Variants in GPATCH8 observed in about 807,000 individuals in gnomAD.
GPATCH8 encodes G-patch domain containing 8.
In GPATCH8, 18 loss-of-function variants were observed where a neutral mutation model predicts 118.3. That is an observed-to-expected ratio of 0.15 (90% CI 0.11 to 0.23). The LOEUF is 0.23. GPATCH8 is among the 10% of genes least tolerant of loss of function. The pLI, the probability that GPATCH8 is intolerant of heterozygous loss-of-function variation, is 1.00. For synonymous variants in GPATCH8, 659 were observed against 684.7 expected, an observed-to-expected ratio of 0.96 and a Z score of 0.59; for missense variants, 1,631 against 1,873.8, an observed-to-expected ratio of 0.87 and a Z score of 2.39.
At chr17:44,441,596 C>T (rs2050691195) in intron 3 of GPATCH8, among the ~76,000 whole-genome samples, 1 of 150,898 alleles carries the variant, frequency 6.6e-6, no homozygotes, top group African/African-American at 2.4e-5. Flanking sequence ...TGGTGGCGGG[C>T]ACCTGTAATC....
At chr17:44,478,666 C>CA (rs1229666873) in intron 1 of GPATCH8, among the ~76,000 whole-genome samples, 41 of 148,794 alleles carry the variant, frequency 2.8e-4, no homozygotes, top group East Asian at 9.8e-4. Context: ...GTCTCAAAAA[C>CA]AAAAAAAAAC....
In GPATCH8 at chr17:44,410,269, T is replaced by A. The variant is rs192214358; in HGVS notation, c.493-4218A>T. On this transcript the variant is annotated intron_variant, in intron 6 of 7. Coordinates refer to ENST00000591680, the MANE Select transcript of GPATCH8 (RefSeq NM_001002909.4). ...TTGTACCTGCACTTTTCTCTTAAAT[T>A]CTAAAGAGGAACACAACTATAGATA... Among the ~76,000 whole-genome samples the A allele has an allele frequency of 7.4e-4, 112 of 152,302 alleles. 2 individuals are homozygous for A. The East Asian group carries it at 0.014, about 19-fold the overall frequency.
chr17:44,435,878 C>G (rs951073276), intron 4 of GPATCH8, among the ~76,000 whole-genome samples: 1 of 149,686 alleles, frequency 6.7e-6, no homozygotes, highest in Non-Finnish European at 1.5e-5. Flanking sequence ...AAAAATTACC[C>G]GGGCATGGTG....
intron 3 of GPATCH8, among the ~76,000 whole-genome samples, chr17:44,441,173 C>A (rs2050676634): frequency 6.6e-6 from 1 of 152,052 alleles, no homozygotes; most frequent in Non-Finnish European, 1.5e-5. Flanking sequence ...TTTAAAGAGA[C>A]AAACTCTAGG....
rs1311172998 is a variant in GPATCH8, at chr17:44,405,991, C to T, written c.553G>A (p.Asp185Asn). ...AGGGCTTTTTCCTGTTTTTTCTCAT[C>T]CTTGCGGGATCTTGAAGAGACATTT... ...ARNVSSRSRK[D>N]EKKQEKALRR... The change falls in exon 7 of 8, where the codon GAT (aspartate) becomes AAT (asparagine). Residue 185 changes from aspartate to asparagine, a missense_variant. Asp to Asn is a conservative substitution (Grantham distance 23). Around this residue, in one of 8 missense-constraint regions of GPATCH8, gnomAD observed 81 missense variants for 227.6 expected, o/e 0.36. Coordinates refer to ENST00000591680, the MANE Select transcript of GPATCH8 (RefSeq NM_001002909.4). 6.2e-7 allele frequency: 1 copy of T among 1,609,160 alleles called. No homozygotes were observed. Among genetic ancestry groups the T allele is most frequent in the Non-Finnish European group, 8.5e-7 (1 of 1,175,486 alleles).
Position 44,462,985 on chromosome 17 carries a change from T to TATAAATAAATAA in GPATCH8, c.193+1475_193+1486dup, listed in dbSNP as rs57126645. Among the ~76,000 whole-genome samples, 786 of 149,632 alleles carry TATAAATAAATAA rather than the reference T, an allele frequency of 5.3e-3. 2 individuals are homozygous for TATAAATAAATAA. Among genetic ancestry groups the TATAAATAAATAA allele is most frequent in the Middle Eastern group, 0.017 (5 of 288 alleles). On this transcript the variant is annotated intron_variant, in intron 3 of 7. Coordinates refer to ENST00000591680, the MANE Select transcript of GPATCH8 (RefSeq NM_001002909.4). ...GACAGAGCGAGACTCCACTTCAAAA[T>TATAAATAAATAA]ATAAATAAATAAATAAATAAATAAA...
At chr17:44,494,947 G>C (rs1969549477) in intron 1 of GPATCH8, among the ~76,000 whole-genome samples, 1 of 151,956 alleles carries the variant, frequency 6.6e-6, no homozygotes, top group African/African-American at 2.4e-5. Flanking sequence ...CTTTACTTTT[G>C]TCCTGGCTAT....
chr17:44,398,760 G>C lies in GPATCH8; in HGVS notation c.3317C>G (p.Pro1106Arg), dbSNP rs753259184. The C allele has an allele frequency of 6.2e-7, 1 of 1,613,686 alleles. No individual in the cohort carries two copies. ...KIQSRKVERKPSVSEEVQATP... is the reference protein window; with the variant it reads ...KIQSRKVERKRSVSEEVQATP... Reference sequence around the variant, plus strand: ...GGCCTGCACCTCCTCACTCACACTAGGTTTCCTCTCCACTTTCCTTGACTG... The same window carrying C: ...GGCCTGCACCTCCTCACTCACACTACGTTTCCTCTCCACTTTCCTTGACTG... The change falls in exon 8 of 8, where the codon CCT (proline) becomes CGT (arginine). Residue 1106 changes from proline to arginine, a missense_variant. Pro to Arg is a moderately radical substitution (Grantham distance 103). Around this residue, in one of 8 missense-constraint regions of GPATCH8, gnomAD observed 922 missense variants for 879.7 expected, o/e 1.05. Coordinates refer to ENST00000591680, the MANE Select transcript of GPATCH8 (RefSeq NM_001002909.4).
chr17:44,427,405 C>A (rs1288847708), intron 5 of GPATCH8, among the ~76,000 whole-genome samples: 1 of 151,876 alleles, frequency 6.6e-6, no homozygotes, highest in Non-Finnish European at 1.5e-5. Context: ...GTACAAAATT[C>A]AGAAATAATA....
At chr17:44,465,711 C>G (rs1011412714) in intron 2 of GPATCH8, 2 of 152,136 alleles carry the variant, frequency 1.3e-5, no homozygotes, top group African/African-American at 4.8e-5. Context: ...ATTTGAAAAT[C>G]CCATATTTCC....
At chr17:44,404,425 G>A (rs2049143464) in intron 7 of GPATCH8, among the ~76,000 whole-genome samples, 1 of 152,206 alleles carries the variant, frequency 6.6e-6, no homozygotes, top group South Asian at 2.1e-4. Context: ...TTACAGGTGC[G>A]AGTCACTATG....
rs374889455 is a variant in GPATCH8, at chr17:44,399,541, C to T, written c.2536G>A (p.Gly846Ser). 3 of 1,614,084 alleles carry T rather than the reference C, an allele frequency of 1.9e-6. No individual in the cohort carries two copies. The African/African-American group carries it at 4.0e-5, about 22-fold the overall frequency. The change falls in exon 8 of 8, where the codon GGC becomes AGC. Residue 846 changes from glycine (G) to serine (S), a missense_variant. By Grantham distance (56) the Gly-to-Ser change is moderately conservative. Coordinates refer to ENST00000591680, the MANE Select transcript of GPATCH8 (RefSeq NM_001002909.4). ...YSEEEEEEDS[G>S]SEHSRSRSRS... ...GAGCGGCTGCGGGAATGCTCACTGC[C>T]TGAATCTTCCTCTTCTTCTTCCTCA...
intron 2 of GPATCH8, chr17:44,465,802 C>T (rs1343063730): frequency 6.6e-6 from 1 of 152,132 alleles, no homozygotes; most frequent in African/African-American, 2.4e-5. Flanking sequence ...TCTGGCATCT[C>T]CATATTCAAT....
intron 3 of GPATCH8, among the ~76,000 whole-genome samples, chr17:44,454,404 C>T (rs536699314): frequency 2.0e-5 from 3 of 152,310 alleles, no homozygotes; most frequent in South Asian, 4.1e-4. Context: ...ACTACAGGCA[C>T]ATGCCACTGG....
rs138384022 is a variant in GPATCH8, at chr17:44,467,449, G to C, written c.121-2905C>G. Among the ~76,000 whole-genome samples, 268 of 152,212 alleles carry C rather than the reference G, an allele frequency of 1.8e-3. 2 individuals are homozygous for C. The highest frequency in any genetic ancestry group is 6.1e-3 in the African/African-American group (255 of 41,530). On this transcript the variant is annotated intron_variant, in intron 2 of 7. Coordinates refer to ENST00000591680, the MANE Select transcript of GPATCH8 (RefSeq NM_001002909.4). ...AAAATCATTGATAGAAAATGGTAGT[G>C]GCATTTCTCTTCTAAAACTTTAGGT...
intron 3 of GPATCH8, among the ~76,000 whole-genome samples, chr17:44,448,543 A>AGAAGAGGAAGAGGAAGAAGAAGAG (rs2050984198): frequency 3.0e-5 from 1 of 33,728 alleles, no homozygotes; most frequent in Non-Finnish European, 9.9e-5. Flanking sequence ...AGAAGGAAGA[A>AGAAGAGGAAGAGGAAGAAGAAGAG]GAAGAGGAAG....
intron 5 of GPATCH8, among the ~76,000 whole-genome samples, chr17:44,425,362 T>G (rs974522289): frequency 1.3e-5 from 2 of 152,204 alleles, no homozygotes; most frequent in African/African-American, 2.4e-5. Context: ...TCATCTCCCA[T>G]AAGAGCTACT....
chr17:44,456,329 T>C (rs1734595782), intron 3 of GPATCH8, among the ~76,000 whole-genome samples: 2 of 152,108 alleles, frequency 1.3e-5, no homozygotes, highest in African/African-American at 4.8e-5. Context: ...TTGTCTAGGT[T>C]GGTCTCAAAT....
chr17:44,419,491 T>A (rs937028280), intron 6 of GPATCH8, among the ~76,000 whole-genome samples: 3 of 152,156 alleles, frequency 2.0e-5, no homozygotes, highest in Non-Finnish European at 2.9e-5. Context: ...AGAAATTATT[T>A]TTTTTTGTTG....
Sources: allele counts gnomAD v4.1 joint callset (sites outside exome capture counted in the v4.1 genomes callset), GRCh38; gene constraint gnomAD v4.1.1; regional missense constraint gnomAD v4.1.1; transcripts MANE v1.5; gene names NCBI Gene and HGNC (gene_info 2026-07-23, HGNC 2026-07-21).